The following CCSER2 variants were observed in gnomAD, a reference collection of about 807,000 sequenced individuals.
The protein encoded by CCSER2 is serine-rich coiled-coil domain-containing protein 2.
In CCSER2, 46 loss-of-function variants were observed where a neutral mutation model predicts 92.3. The ratio of observed to expected loss-of-function variants is 0.50; its 90% confidence interval spans 0.39 to 0.64. The LOEUF (loss-of-function observed/expected upper bound fraction) is 0.64, where lower values mean the gene tolerates loss of function less well. Among genes scored for constraint, CCSER2 ranks in the 30% least tolerant of loss-of-function variants. The pLI, the probability that CCSER2 is intolerant of heterozygous loss-of-function variation, is 0.00. For missense variants in CCSER2, 1,244 were observed against 1,238.9 expected, an observed-to-expected ratio of 1.00 and a Z score of -0.06; for synonymous variants, 433 against 431.4, an observed-to-expected ratio of 1.00 and a Z score of -0.04.
Position 84,371,490 on chromosome 10 carries a change from A to T in CCSER2, c.438A>T (p.Pro146=). The T allele has an allele frequency of 6.2e-7, 1 of 1,613,908 alleles. No individual in the cohort carries two copies. The highest frequency in any genetic ancestry group is 1.7e-5 in the Admixed American group (1 of 59,966). ...EELNQKSFSG[P]SNLGKFTKGT... The stretch of plus-strand genomic sequence containing the variant: ...TAAACCAAAAGTCTTTTTCTGGACC[A>T]TCTAATTTGGGTAAATTCACCAAAG... Residue 146 remains proline, a synonymous_variant, in exon 2 of 10, where the codon CCA becomes CCT. Coordinates refer to ENST00000372088, the MANE Select transcript of CCSER2 (RefSeq NM_001284240.2).
At chr10:84,440,863 T>G (rs1387615012) in intron 6 of CCSER2, among the ~76,000 whole-genome samples, 1 of 152,242 alleles carries the variant, frequency 6.6e-6, no homozygotes, top group Non-Finnish European at 1.5e-5. Context: ...TTTGAGGGCA[T>G]TGCTTTTCTA....
In CCSER2 at chr10:84,344,876, A is replaced by G. The variant is rs1252812867; in HGVS notation, c.-40+16068A>G. On this transcript the variant is annotated intron_variant, in intron 1 of 9. Transcript: ENST00000372088. ...GCACGCACTCACTAGCTATGTGTCT[A>G]TATGTGATTTCCCTAAGTTTCAATT... Among the ~76,000 whole-genome samples the G allele has an allele frequency of 3.9e-5, 6 of 152,180 alleles. No individual in the cohort carries two copies. The East Asian group carries it at 5.8e-4, about 15-fold the overall frequency.
intron 1 of CCSER2, among the ~76,000 whole-genome samples, chr10:84,348,389 A>C (rs1277856489): frequency 2.0e-5 from 3 of 152,226 alleles, no homozygotes; most frequent in East Asian, 1.9e-4. Context: ...TGCAGTGAGC[A>C]GAGATGGTGG....
intron 6 of CCSER2, among the ~76,000 whole-genome samples, chr10:84,460,276 A>G (rs1271852165): frequency 8.5e-5 from 7 of 82,322 alleles, no homozygotes; most frequent in African/African-American, 3.1e-4. Flanking sequence ...TTTTTTTTTC[A>G]TATTTTTAGT....
At chr10:84,402,570 A>G (rs1842175515) in intron 3 of CCSER2, among the ~76,000 whole-genome samples, 1 of 152,212 alleles carries the variant, frequency 6.6e-6, no homozygotes, top group African/African-American at 2.4e-5. Context: ...AATCCTAACA[A>G]TTGTTGGAGA....
At chr10:84,494,705 A>G (rs973661358) in intron 9 of CCSER2, among the ~76,000 whole-genome samples, 5 of 152,200 alleles carry the variant, frequency 3.3e-5, no homozygotes, top group African/African-American at 1.2e-4. Flanking sequence ...TTCAAGGTAG[A>G]GTGAAGCGCA....
chr10:84,485,744 T>G (rs976796310), intron 9 of CCSER2, among the ~76,000 whole-genome samples: 12 of 152,234 alleles, frequency 7.9e-5, no homozygotes, highest in Non-Finnish European at 1.3e-4. Flanking sequence ...CACTACATGC[T>G]TTTTTAATTA....
intron 6 of CCSER2, among the ~76,000 whole-genome samples, chr10:84,441,317 A>G (rs1156859989): frequency 6.6e-6 from 1 of 152,124 alleles, no homozygotes; most frequent in Non-Finnish European, 1.5e-5. Flanking sequence ...CTTGGCAATC[A>G]TATTTTCAAT....
intron 6 of CCSER2, among the ~76,000 whole-genome samples, chr10:84,454,352 C>T (rs982410729): frequency 2.0e-5 from 3 of 152,052 alleles, no homozygotes; most frequent in African/African-American, 4.8e-5. Flanking sequence ...TTGATTACAT[C>T]GTAAAGGCCT....
intron 6 of CCSER2, 62 bp downstream of exon 6, chr10:84,438,769 G>GT (rs1844344215): frequency 1.2e-4 from 121 of 1,039,514 alleles, no homozygotes; most frequent in Non-Finnish European, 1.3e-4. Context: ...ATTGACTTTA[G>GT]TTTTTTTTAA....
At chr10:84,506,884 C>T (rs899976176) in intron 9 of CCSER2, among the ~76,000 whole-genome samples, 8 of 152,050 alleles carry the variant, frequency 5.3e-5, no homozygotes, top group Admixed American at 2.0e-4. Flanking sequence ...CTTAAAAATT[C>T]ATTTCTACCT....
chr10:84,428,968 T>G (rs1355444937), intron 5 of CCSER2, among the ~76,000 whole-genome samples: 1 of 133,062 alleles, frequency 7.5e-6, no homozygotes, highest in Non-Finnish European at 1.6e-5. Context: ...TTGAAGATTT[T>G]TTTTGTGTGT....
At chr10:84,373,511 T>C (rs987082071) in intron 2 of CCSER2, 108 bp from the exon 3 acceptor site, 1 of 841,980 alleles carries the variant, frequency 1.2e-6, no homozygotes, top group Non-Finnish European at 1.8e-6. Flanking sequence ...GAGTGCTTTT[T>C]TTGAGCCAGC....
intron 6 of CCSER2, among the ~76,000 whole-genome samples, chr10:84,444,595 T>TA (rs1844793226): frequency 6.6e-6 from 1 of 152,128 alleles, no homozygotes; most frequent in Admixed American, 6.6e-5. Context: ...CACAGTGGTG[T>TA]TCTAGAAGAT....
At position 84,453,144 on chromosome 10, in the gene CCSER2, T is replaced by C. The variant is rs1025464363; in HGVS notation, c.2065-10789T>C. ...GTTGTCTTGGGCTGTCCCATGCATT[T>C]ATTTTATTTCATTTTTTTTTTCAGT... On this transcript the variant is annotated intron_variant, in intron 6 of 9. Transcript: ENST00000372088. Among the ~76,000 whole-genome samples the C allele has an allele frequency of 5.4e-5, 8 of 149,254 alleles. No individual in the cohort carries two copies. The East Asian group carries it at 9.9e-4, about 18-fold the overall frequency.
At chr10:84,423,521 A>C (rs1015329648) in intron 4 of CCSER2, among the ~76,000 whole-genome samples, 1 of 152,092 alleles carries the variant, frequency 6.6e-6, no homozygotes, top group Non-Finnish European at 1.5e-5. Context: ...ACAATATTTA[A>C]CCCATCTCCT....
chr10:84,454,415 G>A (rs1845481844), intron 6 of CCSER2, among the ~76,000 whole-genome samples: 1 of 152,096 alleles, frequency 6.6e-6, no homozygotes, highest in Non-Finnish European at 1.5e-5. Context: ...AATTTCTAGG[G>A]GGTACATCAT....
intron 1 of CCSER2, among the ~76,000 whole-genome samples, chr10:84,348,844 T>G (rs1844701120): frequency 6.6e-6 from 1 of 152,198 alleles, no homozygotes; most frequent in African/African-American, 2.4e-5. Context: ...GTTAATGTTT[T>G]TTGCCATTTT....
intron 9 of CCSER2, among the ~76,000 whole-genome samples, chr10:84,486,067 A>G (rs1589791295): frequency 1.3e-5 from 2 of 152,338 alleles, no homozygotes; most frequent in South Asian, 2.1e-4. Flanking sequence ...TACAAAGGAC[A>G]TGAACTCATC....
Sources: gnomAD v4.1 joint callset for allele counts (sites outside exome capture counted in the v4.1 genomes callset) on GRCh38, gnomAD v4.1.1 for gene constraint, MANE v1.5 for transcripts, NCBI Gene and HGNC (gene_info 2026-07-23, HGNC 2026-07-21) for gene names.